Variants in PRKCE observed in about 807,000 individuals in gnomAD.
The protein encoded by PRKCE is protein kinase C epsilon.
In PRKCE, 16 loss-of-function variants were observed where a neutral mutation model predicts 85.4. The observed-to-expected ratio is 0.19, with a 90% CI of 0.13 to 0.28. PRKCE has a LOEUF of 0.28. Ranked by LOEUF, PRKCE falls within the 10% of genes least tolerant of loss-of-function variation. The pLI is 1.00. For missense variants in PRKCE, 573 were observed against 975.2 expected (o/e 0.59, Z 5.49); for synonymous variants, 388 against 371.5 (o/e 1.04, Z -0.51).
chr2:45,813,415 T>G (rs545691025), intron 1 of PRKCE, among the ~76,000 whole-genome samples: 1 of 152,236 alleles, frequency 6.6e-6, no homozygotes, highest in African/African-American at 2.4e-5. Context: ...GCAGATGCAG[T>G]GCTAAGGAAG....
chr2:45,706,678 C>T (rs765956883), intron 1 of PRKCE, among the ~76,000 whole-genome samples: 7 of 152,114 alleles, frequency 4.6e-5, no homozygotes, highest in African/African-American at 9.7e-5. Flanking sequence ...TTGTATTGGC[C>T]GCCTGATAGT....
chr2:46,109,717 C>G (rs1483528101), intron 11 of PRKCE, among the ~76,000 whole-genome samples: 1 of 152,068 alleles, frequency 6.6e-6, no homozygotes, highest in Non-Finnish European at 1.5e-5. Flanking sequence ...TTATCACACT[C>G]ACTAGAACTC....
At chr2:46,016,893 G>A (rs1216586596) in intron 10 of PRKCE, among the ~76,000 whole-genome samples, 5 of 134,124 alleles carry the variant, frequency 3.7e-5, no homozygotes, top group African/African-American at 1.5e-4. Flanking sequence ...TGGGGCAATA[G>A]AGCTAGACTC....
At chr2:46,160,163 G>A (rs977977760) in intron 14 of PRKCE, 5 of 207,888 alleles carry the variant, frequency 2.4e-5, no homozygotes, top group South Asian at 2.2e-4. Flanking sequence ...TGGTCATTCC[G>A]TGGAACTAGC....
chr2:46,053,288 G>C (rs1342288744), intron 10 of PRKCE, among the ~76,000 whole-genome samples: 1 of 151,960 alleles, frequency 6.6e-6, no homozygotes, highest in Non-Finnish European at 1.5e-5. Flanking sequence ...TATGTTATAA[G>C]GGAGCTTACT....
chr2:45,752,031 A>T (rs1220474300), intron 1 of PRKCE, among the ~76,000 whole-genome samples: 1 of 149,696 alleles, frequency 6.7e-6, no homozygotes, highest in East Asian at 2.0e-4. Context: ...TTTAGCCGGG[A>T]TGGTCTCGAT....
At chr2:46,050,137 A>C (rs747941532) in intron 10 of PRKCE, among the ~76,000 whole-genome samples, 1 of 152,230 alleles carries the variant, frequency 6.6e-6, no homozygotes, top group East Asian at 1.9e-4. Flanking sequence ...CCTGTGATGC[A>C]CATTCCCAGA....
intron 1 of PRKCE, among the ~76,000 whole-genome samples, chr2:45,744,459 T>TTC (rs1206656276): frequency 3.7e-4 from 23 of 62,346 alleles, no homozygotes; most frequent in Non-Finnish European, 6.6e-4. Context: ...CTTTCTTTCT[T>TTC]TCTTTCTTTC....
chr2:45,898,147 G>A (rs1200540818), intron 2 of PRKCE, among the ~76,000 whole-genome samples: 1 of 152,110 alleles, frequency 6.6e-6, no homozygotes, highest in Non-Finnish European at 1.5e-5. Flanking sequence ...GAAGCCACGT[G>A]GCTTTTATGA....
At chr2:45,755,524 G>A (rs916465423) in intron 1 of PRKCE, among the ~76,000 whole-genome samples, 2 of 152,118 alleles carry the variant, frequency 1.3e-5, no homozygotes, top group African/African-American at 2.4e-5. Context: ...GACTTCCTGC[G>A]CCTCACATTT....
intron 2 of PRKCE, among the ~76,000 whole-genome samples, chr2:45,889,537 T>G (rs1013682729): frequency 6.3e-5 from 8 of 127,944 alleles, no homozygotes; most frequent in African/African-American, 2.5e-4. Context: ...AGTTTCTGCT[T>G]AAGTATTTAA....
At chr2:45,705,426 G>A (rs1679029777) in intron 1 of PRKCE, among the ~76,000 whole-genome samples, 1 of 152,230 alleles carries the variant, frequency 6.6e-6, no homozygotes, top group South Asian at 2.1e-4. Context: ...AGGAGTGACT[G>A]CCAGTTGGGG....
intron 11 of PRKCE, among the ~76,000 whole-genome samples, chr2:46,116,819 GA>G (rs1481550530): frequency 6.6e-6 from 1 of 152,128 alleles, no homozygotes; most frequent in Non-Finnish European, 1.5e-5. Flanking sequence ...TGAAATGAGG[GA>G]AAGGAGAAAG....
intron 1 of PRKCE, among the ~76,000 whole-genome samples, chr2:45,822,265 T>C (rs759681734): frequency 8.5e-5 from 13 of 152,222 alleles, no homozygotes; most frequent in Non-Finnish European, 1.2e-4. Flanking sequence ...ATTTTGTAGT[T>C]TAGGGAAGGC....
At chr2:45,996,294 C>G (rs1704211787) in intron 6 of PRKCE, among the ~76,000 whole-genome samples, 1 of 152,156 alleles carries the variant, frequency 6.6e-6, no homozygotes, top group African/African-American at 2.4e-5. Flanking sequence ...ATCATATCAT[C>G]TACAAACAAA....
At chr2:46,067,119 T>C (rs371486119) in intron 10 of PRKCE, among the ~76,000 whole-genome samples, 3 of 152,358 alleles carry the variant, frequency 2.0e-5, no homozygotes, top group African/African-American at 7.2e-5. Context: ...AATTTCTTTC[T>C]ATTCTTAAAT....
intron 10 of PRKCE, among the ~76,000 whole-genome samples, chr2:46,057,196 A>C (rs76788523): frequency 0.1 from 15,453 of 152,168 alleles, 851 homozygotes; most frequent in East Asian, 0.17. Flanking sequence ...AATGATGTGG[A>C]AGATCCACTG....
intron 11 of PRKCE, among the ~76,000 whole-genome samples, chr2:46,118,193 T>C (rs889396342): frequency 6.6e-5 from 10 of 152,306 alleles, no homozygotes; most frequent in African/African-American, 2.2e-4. Context: ...AGAGACTCCT[T>C]TGAGGTTGTT....
In PRKCE at chr2:45,870,768, A is replaced by G. The variant is rs534743188; in HGVS notation, c.412+27705A>G. On this transcript the variant is annotated intron_variant, in intron 2 of 14. Transcript: ENST00000306156. ...GCAGACTTCTTTAATGGTTCTAAAT[A>G]TGGATTTCCTCACTTGTGAGTGGGG... 3.3e-5 allele frequency among the ~76,000 whole-genome samples: 5 copies of G among 152,332 alleles called. No individual in the cohort carries two copies. In the South Asian group the frequency reaches 8.3e-4, roughly 25 times the overall value.
Sources: gnomAD v4.1 joint callset for allele counts (sites outside exome capture counted in the v4.1 genomes callset) on GRCh38, gnomAD v4.1.1 for gene constraint, MANE v1.5 for transcripts, NCBI Gene and HGNC (gene_info 2026-07-23, HGNC 2026-07-21) for gene names.